The following KPNA4 variants were observed in gnomAD, a reference collection of about 807,000 sequenced individuals.
The protein encoded by KPNA4 is karyopherin subunit alpha 4, also known as importin subunit alpha-3.
Under a neutral mutation model 71.3 loss-of-function variants are expected in KPNA4, and 13 were observed. That is an observed-to-expected ratio of 0.18 (90% CI 0.12 to 0.29). The LOEUF (loss-of-function observed/expected upper bound fraction) is 0.29, where lower values mean the gene tolerates loss of function less well. KPNA4 is among the 10% of genes least tolerant of loss of function. The pLI is 1.00. For missense variants in KPNA4, 334 were observed against 603.2 expected, an observed-to-expected ratio of 0.55 and a Z score of 4.67; for synonymous variants, 189 against 195.2, an observed-to-expected ratio of 0.97 and a Z score of 0.26.
intron 1 of KPNA4, among the ~76,000 whole-genome samples, chr3:160,552,611 CAG>C (rs1376774347): frequency 4.6e-5 from 7 of 152,042 alleles, no homozygotes; most frequent in African/African-American, 2.4e-5. Flanking sequence ...TTAAGGAAAA[CAG>C]GGGGGTTTAA....
chr3:160,515,621 T>TC, intron 11 of KPNA4, 41 bp from the exon 12 acceptor site: 1 of 1,393,142 alleles, frequency 7.2e-7, no homozygotes, highest in Admixed American at 2.0e-5. Flanking sequence ...TGAAATCCTT[T>TC]TTTTTTTTTT....
chr3:160,506,745 TG>T (rs1403959734), intron 15 of KPNA4, among the ~76,000 whole-genome samples: 5 of 152,254 alleles, frequency 3.3e-5, no homozygotes, highest in Admixed American at 3.3e-4. Flanking sequence ...TAATTAAGTA[TG>T]CCTATTGTTA....
intron 6 of KPNA4, 87 bp from the exon 7 acceptor site, chr3:160,531,027 T>C (rs926298094): frequency 4.2e-5 from 36 of 860,708 alleles, no homozygotes; most frequent in Non-Finnish European, 6.2e-5. Context: ...CCATTTAAAA[T>C]GCATTAAATA....
intron 1 of KPNA4, among the ~76,000 whole-genome samples, chr3:160,550,599 T>C (rs1722021524): frequency 6.6e-6 from 1 of 152,192 alleles, no homozygotes; most frequent in Admixed American, 6.5e-5. Context: ...CAGGAAAAGC[T>C]TTCAGTTTTT....
chr3:160,546,832 T>G (rs767045651), intron 1 of KPNA4, among the ~76,000 whole-genome samples: 73 of 152,306 alleles, frequency 4.8e-4, no homozygotes, highest in Admixed American at 2.4e-3. Flanking sequence ...TCTCATTTAT[T>G]GTGGTATAGT....
At chr3:160,536,481 AT>A (rs1296364074) in intron 2 of KPNA4, among the ~76,000 whole-genome samples, 6 of 152,144 alleles carry the variant, frequency 3.9e-5, no homozygotes, top group African/African-American at 1.4e-4. Context: ...TAGCAGAACT[AT>A]TTAATACAAC....
intron 8 of KPNA4, among the ~76,000 whole-genome samples, chr3:160,527,034 T>G (rs536655279): frequency 6.6e-6 from 1 of 152,198 alleles, no homozygotes; most frequent in African/African-American, 2.4e-5. Flanking sequence ...CTCTTTACTT[T>G]CATGTTGGCC....
chr3:160,516,451 A>AAAG (rs1721224945), intron 11 of KPNA4, among the ~76,000 whole-genome samples: 1 of 151,836 alleles, frequency 6.6e-6, no homozygotes, highest in Non-Finnish European at 1.5e-5. Flanking sequence ...ATAAAAAAAA[A>AAAG]AAAGACAGAA....
chr3:160,514,525 A>T (rs1463858943), intron 12 of KPNA4, among the ~76,000 whole-genome samples: 1 of 152,256 alleles, frequency 6.6e-6, no homozygotes, highest in Non-Finnish European at 1.5e-5. Flanking sequence ...ATACAAATAC[A>T]AATCCTAAAA....
In KPNA4 at chr3:160,501,896, G is replaced by A. The variant is rs544018940; in HGVS notation, c.*208C>T. 1.8e-5 allele frequency: 4 copies of A among 221,842 alleles called. No homozygotes were observed. Among genetic ancestry groups the A allele is most frequent in the East Asian group, 9.7e-5 (1 of 10,280 alleles). The allele number at this position is 221,842 out of a possible 1,614,324, so 13.7% of individuals were successfully genotyped here. A position where few individuals can be genotyped will look rare whatever the true frequency, so the allele number is the denominator to read the frequency against. On this transcript the variant is annotated 3_prime_UTR_variant, in exon 17 of 17. Coordinates refer to ENST00000334256, the MANE Select transcript of KPNA4 (RefSeq NM_002268.5). ...CACTCATTCTCACTCGCACCCACTC[G>A]CCATCTTGACCTCATTTGGGCATTT...
At chr3:160,509,748 G>A in intron 14 of KPNA4, 52 bp downstream of exon 14, 1 of 1,135,826 alleles carries the variant, frequency 8.8e-7, no homozygotes, top group Non-Finnish European at 1.3e-6. Context: ...AATATTACCT[G>A]TACTTTTATT....
At chr3:160,545,878 G>A (rs572275343) in intron 1 of KPNA4, among the ~76,000 whole-genome samples, 14 of 152,266 alleles carry the variant, frequency 9.2e-5, no homozygotes, top group African/African-American at 3.4e-4. Context: ...TCAAGGAGAG[G>A]AAACAATGAT....
intron 1 of KPNA4, among the ~76,000 whole-genome samples, chr3:160,556,800 C>T (rs768781568): frequency 2.0e-5 from 3 of 152,098 alleles, no homozygotes; most frequent in Non-Finnish European, 4.4e-5. Context: ...TTATTCACAA[C>T]ATTAAGAGAA....
chr3:160,525,762 A>T, intron 10 of KPNA4, 38 bp downstream of exon 10: 1 of 1,360,352 alleles, frequency 7.4e-7, no homozygotes, highest in Non-Finnish European at 1.0e-6. Flanking sequence ...AAATACATAC[A>T]TACATACATA....
chr3:160,546,473 G>A (rs554561652), intron 1 of KPNA4, among the ~76,000 whole-genome samples: 35 of 152,182 alleles, frequency 2.3e-4, no homozygotes, highest in African/African-American at 7.0e-4. Flanking sequence ...AGCCGAGATC[G>A]CAACACTGCA....
intron 1 of KPNA4, among the ~76,000 whole-genome samples, chr3:160,545,780 G>A (rs958519205): frequency 4.6e-5 from 7 of 152,210 alleles, no homozygotes; most frequent in African/African-American, 1.7e-4. Flanking sequence ...GACCAGAGTG[G>A]TCGCAGTGGG....
At chr3:160,512,980 A>G (rs973563650) in intron 13 of KPNA4, among the ~76,000 whole-genome samples, 1 of 152,236 alleles carries the variant, frequency 6.6e-6, no homozygotes, top group Non-Finnish European at 1.5e-5. Flanking sequence ...CCTAAAAACC[A>G]TAGGTGAAAG....
At position 160,530,939 on chromosome 3, in the gene KPNA4, G is replaced by C; in HGVS notation, c.385C>G (p.Pro129Ala). 6.3e-7 allele frequency: 1 copy of C among 1,595,200 alleles called. No individual in the cohort carries two copies. Among genetic ancestry groups the C allele is most frequent in the Non-Finnish European group, 8.5e-7 (1 of 1,171,880 alleles). The change falls in exon 7 of 17, where the codon CCT becomes GCT. Residue 129 changes from proline to alanine, a missense_variant and splice_region_variant. By Grantham distance (27) the Pro-to-Ala change is conservative. Transcript: ENST00000334256. The part of the protein sequence containing the change: ...LVHCLERDDN[P>A]SLQFEAAWAL... ...CATGCAGCTTCAAACTGTAAAGAAGGACTACAAAAAAAAACAAGTATTTTT... is the reference window on the plus strand; with the variant it reads ...CATGCAGCTTCAAACTGTAAAGAAGCACTACAAAAAAAAACAAGTATTTTT...
intron 1 of KPNA4, among the ~76,000 whole-genome samples, chr3:160,558,143 T>A (rs539596774): frequency 6.6e-6 from 1 of 152,208 alleles, no homozygotes; most frequent in Non-Finnish European, 1.5e-5. Context: ...ACATAAAGCA[T>A]TTAGTAACCC....
Sources: gnomAD v4.1 joint callset for allele counts (sites outside exome capture counted in the v4.1 genomes callset) on GRCh38, gnomAD v4.1.1 for gene constraint, MANE v1.5 for transcripts, NCBI Gene and HGNC (gene_info 2026-07-23, HGNC 2026-07-21) for gene names.